The following CLMP variants were observed in gnomAD, a reference collection of about 807,000 sequenced individuals.
CLMP encodes CXADR-like membrane protein.
Under a neutral mutation model 45.2 loss-of-function variants are expected in CLMP, and 27 were observed. The ratio of observed to expected loss-of-function variants is 0.60; its 90% CI spans 0.44 to 0.82. The LOEUF (loss-of-function observed/expected upper bound fraction) is 0.82. Ranked by LOEUF, CLMP falls within the 40% of genes least tolerant of loss-of-function variation. CLMP has a pLI of 0.00. For synonymous variants in CLMP, 167 were observed against 171.4 expected (o/e 0.97, Z 0.20); for missense variants, 403 against 448.4 (o/e 0.90, Z 0.91).
At chr11:123,148,217 G>A (rs896397810) in intron 1 of CLMP, among the ~76,000 whole-genome samples, 7 of 152,172 alleles carry the variant, frequency 4.6e-5, no homozygotes, top group Non-Finnish European at 1.0e-4. Context: ...GTTTAGGGCC[G>A]CAGGGCTTTT....
intron 1 of CLMP, among the ~76,000 whole-genome samples, chr11:123,185,133 G>A (rs1196555930): frequency 6.6e-6 from 1 of 152,122 alleles, no homozygotes; most frequent in Non-Finnish European, 1.5e-5. Context: ...CAGCGTGGAG[G>A]TCTTCAAGAA....
intron 3 of CLMP, among the ~76,000 whole-genome samples, chr11:123,084,306 G>A (rs1051891424): frequency 2.0e-5 from 3 of 152,080 alleles, no homozygotes; most frequent in African/African-American, 7.2e-5. Flanking sequence ...GACAACTATG[G>A]AAAATTGCTC....
At chr11:123,105,607 T>G (rs1425535061) in intron 1 of CLMP, among the ~76,000 whole-genome samples, 2 of 151,262 alleles carry the variant, frequency 1.3e-5, no homozygotes, top group Non-Finnish European at 2.9e-5. Context: ...ATTTTGTATT[T>G]TTAGTAGAGA....
chr11:123,121,468 T>C (rs1860817098), intron 1 of CLMP, among the ~76,000 whole-genome samples: 1 of 152,102 alleles, frequency 6.6e-6, no homozygotes, highest in Non-Finnish European at 1.5e-5. Context: ...CATCTAATTT[T>C]TGTATTTTTA....
intron 2 of CLMP, among the ~76,000 whole-genome samples, chr11:123,092,454 C>T (rs889491075): frequency 1.3e-5 from 2 of 151,900 alleles, no homozygotes; most frequent in African/African-American, 4.8e-5. Flanking sequence ...CACACCACCA[C>T]GCCCGGCTAA....
chr11:123,172,910 A>G (rs1182616967), intron 1 of CLMP, among the ~76,000 whole-genome samples: 2 of 152,258 alleles, frequency 1.3e-5, no homozygotes, highest in African/African-American at 4.8e-5. Context: ...TGTTTTTTAA[A>G]GAGGTTTGTG....
chr11:123,137,951 A>G (rs1861102641), intron 1 of CLMP, among the ~76,000 whole-genome samples: 1 of 152,116 alleles, frequency 6.6e-6, no homozygotes, highest in African/African-American at 2.4e-5. Context: ...CAGAAAGAGT[A>G]GTAATTTTAT....
intron 3 of CLMP, 87 bp downstream of exon 3, chr11:123,084,425 G>A: frequency 9.1e-7 from 1 of 1,098,052 alleles, no homozygotes; most frequent in Non-Finnish European, 1.4e-6. Context: ...TGAACATGAT[G>A]TTTTGTACCA....
At chr11:123,161,709 T>C (rs79708253) in intron 1 of CLMP, among the ~76,000 whole-genome samples, 1 of 151,956 alleles carries the variant, frequency 6.6e-6, no homozygotes, top group Non-Finnish European at 1.5e-5. Context: ...CAAACAAATA[T>C]ACAAAAATAA....
At chr11:123,194,848 T>G (rs1861957263) in intron 1 of CLMP, 65 bp downstream of exon 1, 1 of 1,600,312 alleles carries the variant, frequency 6.2e-7, no homozygotes, top group Non-Finnish European at 8.6e-7. Flanking sequence ...ACCGGCGTCT[T>G]TCCCGGACGC....
intron 1 of CLMP, among the ~76,000 whole-genome samples, chr11:123,122,929 A>G (rs1215272857): frequency 6.6e-6 from 1 of 152,182 alleles, no homozygotes; most frequent in Non-Finnish European, 1.5e-5. Context: ...AAAGAAGTAC[A>G]CAAATGCTCA....
chr11:123,078,120 A>G (rs954482917), intron 5 of CLMP, among the ~76,000 whole-genome samples: 1 of 152,152 alleles, frequency 6.6e-6, no homozygotes, highest in African/African-American at 2.4e-5. Context: ...AAAAAAGAAA[A>G]AAAAATCATT....
chr11:123,129,549 T>C (rs1860953950), intron 1 of CLMP, among the ~76,000 whole-genome samples: 1 of 140,086 alleles, frequency 7.1e-6, no homozygotes, highest in Non-Finnish European at 1.5e-5. Context: ...ATTTCAAAAA[T>C]AATTGAATAT....
At chr11:123,142,468 T>G (rs1210570548) in intron 1 of CLMP, among the ~76,000 whole-genome samples, 3 of 152,156 alleles carry the variant, frequency 2.0e-5, no homozygotes, top group African/African-American at 7.2e-5. Context: ...GTTTCCACAG[T>G]GCCTGGCAGA....
intron 2 of CLMP, among the ~76,000 whole-genome samples, chr11:123,090,905 G>A (rs1865923595): frequency 6.6e-6 from 1 of 152,130 alleles, no homozygotes; most frequent in South Asian, 2.1e-4. Flanking sequence ...TATATAGGTT[G>A]TGGTTATGTG....
At chr11:123,128,022 T>C (rs1234977726) in intron 1 of CLMP, among the ~76,000 whole-genome samples, 1 of 129,786 alleles carries the variant, frequency 7.7e-6, no homozygotes, top group Admixed American at 8.9e-5. Flanking sequence ...GGTGACAGAA[T>C]GAGACTCTGT....
chr11:123,113,831 C>A (rs1230407434), intron 1 of CLMP, among the ~76,000 whole-genome samples: 2 of 152,208 alleles, frequency 1.3e-5, no homozygotes, highest in Non-Finnish European at 2.9e-5. Flanking sequence ...AGAAATACAG[C>A]AGGTACCTCT....
chr11:123,122,254 G>C (rs1860829733), intron 1 of CLMP, among the ~76,000 whole-genome samples: 1 of 152,152 alleles, frequency 6.6e-6, no homozygotes, highest in Non-Finnish European at 1.5e-5. Flanking sequence ...GGGTTCAAGA[G>C]ACCCTCTCAA....
At chr11:123,075,023 T>C (rs1347176596) in intron 5 of CLMP, among the ~76,000 whole-genome samples, 180 bp from the exon 6 acceptor site, 1 of 151,932 alleles carries the variant, frequency 6.6e-6, no homozygotes, top group Admixed American at 6.6e-5. Flanking sequence ...TGGCATGATC[T>C]CGGCTCATCG....
Sources: gnomAD v4.1 joint callset for allele counts (sites outside exome capture counted in the v4.1 genomes callset) on GRCh38, gnomAD v4.1.1 for gene constraint, MANE v1.5 for transcripts, NCBI Gene and HGNC (gene_info 2026-07-23, HGNC 2026-07-21) for gene names.